Variants in GMDS observed in about 807,000 individuals in gnomAD.
The protein encoded by GMDS is GDP-mannose 4,6 dehydratase.
In GMDS, 20 loss-of-function variants were observed where a neutral mutation model predicts 49.9. That is an observed-to-expected ratio of 0.40 (90% CI 0.28 to 0.58). The LOEUF is 0.58. Among genes scored for constraint, GMDS ranks in the 20% least tolerant of loss-of-function variants. GMDS has a pLI of 0.42. For synonymous variants in GMDS, 177 were observed against 178.6 expected (o/e 0.99, Z 0.07); for missense variants, 362 against 481.4 (o/e 0.75, Z 2.32).
chr6:1,710,107 C>T (rs537035855), intron 9 of GMDS, among the ~76,000 whole-genome samples: 16 of 152,312 alleles, frequency 1.1e-4, no homozygotes, highest in South Asian at 6.2e-4. Context: ...AGTCAGAGCC[C>T]GTGCTACAGC....
chr6:1,881,755 G>A (rs1204037963), intron 7 of GMDS, among the ~76,000 whole-genome samples: 3 of 152,072 alleles, frequency 2.0e-5, no homozygotes, highest in Non-Finnish European at 4.4e-5. Context: ...AACAAGATTC[G>A]GATTACTCAA....
chr6:2,006,643 T>A (rs898723211), intron 4 of GMDS, among the ~76,000 whole-genome samples: 18 of 152,218 alleles, frequency 1.2e-4, no homozygotes, highest in African/African-American at 4.3e-4. Flanking sequence ...CTATATTAGC[T>A]GAAAACACAC....
At chr6:1,890,252 T>A (rs1342238486) in intron 7 of GMDS, among the ~76,000 whole-genome samples, 1 of 152,192 alleles carries the variant, frequency 6.6e-6, no homozygotes, top group East Asian at 1.9e-4. Flanking sequence ...CTGTCTTTTT[T>A]ATCACAGCCA....
intron 7 of GMDS, among the ~76,000 whole-genome samples, chr6:1,859,382 T>C (rs745905383): frequency 2.6e-5 from 4 of 152,146 alleles, no homozygotes; most frequent in Non-Finnish European, 4.4e-5. Flanking sequence ...CAAATGGAGC[T>C]AGGCTGTAGT....
At chr6:1,887,459 CA>C (rs35125106) in intron 7 of GMDS, among the ~76,000 whole-genome samples, 14,257 of 152,108 alleles carry the variant, frequency 0.094, 815 homozygotes, top group African/African-American at 0.15. Context: ...CGGCTACCTC[CA>C]AAACAGGAAG....
chr6:2,228,291 T>C (rs758184240), intron 1 of GMDS, among the ~76,000 whole-genome samples: 1 of 152,352 alleles, frequency 6.6e-6, no homozygotes, highest in Non-Finnish European at 1.5e-5. Flanking sequence ...ACCACCCTTC[T>C]GTGCTTCTCA....
rs542255523 is a variant in GMDS, at chr6:2,020,325, T to A, written c.346-59359A>T. Among the ~76,000 whole-genome samples, 371 of 151,644 alleles carry A rather than the reference T, an allele frequency of 2.4e-3. 2 individuals carry two copies. Among genetic ancestry groups the A allele is most frequent in the Non-Finnish European group, 4.3e-3 (291 of 67,832 alleles). The stretch of plus-strand genomic sequence containing the variant: ...GCCTATATAAATAAATAAAATAAAT[T>A]AAATAAATTAAAAAATAAAAACAAT... On this transcript the variant is annotated intron_variant, in intron 4 of 10. Coordinates refer to ENST00000380815, the MANE Select transcript of GMDS (RefSeq NM_001500.4).
chr6:1,994,788 T>G (rs1766173994), intron 4 of GMDS, among the ~76,000 whole-genome samples: 2 of 152,006 alleles, frequency 1.3e-5, no homozygotes, highest in Non-Finnish European at 2.9e-5. Context: ...ATACATGGCC[T>G]GCAAAGACAC....
chr6:2,044,314 T>C (rs771038101), intron 4 of GMDS, among the ~76,000 whole-genome samples: 1 of 152,168 alleles, frequency 6.6e-6, no homozygotes, highest in Non-Finnish European at 1.5e-5. Context: ...TCAACCTAAA[T>C]GTCCATCAAT....
intron 7 of GMDS, among the ~76,000 whole-genome samples, chr6:1,841,899 C>T (rs540382379): frequency 1.3e-5 from 2 of 152,218 alleles, no homozygotes; most frequent in Non-Finnish European, 2.9e-5. Flanking sequence ...GCCTATTTCC[C>T]TAAATGCCAC....
chr6:2,207,553 T>C (rs901913623), intron 1 of GMDS, among the ~76,000 whole-genome samples: 4 of 152,014 alleles, frequency 2.6e-5, no homozygotes, highest in African/African-American at 9.7e-5. Flanking sequence ...CATTAGAGTT[T>C]AGAATTGTAA....
intron 6 of GMDS, among the ~76,000 whole-genome samples, chr6:1,933,317 T>C (rs570659472): frequency 6.6e-6 from 1 of 152,388 alleles, no homozygotes; most frequent in South Asian, 2.1e-4. Flanking sequence ...CCTTTGCCTT[T>C]TGTGAATAAT....
At chr6:2,190,643 C>A (rs1295204623) in intron 1 of GMDS, among the ~76,000 whole-genome samples, 8 of 152,198 alleles carry the variant, frequency 5.3e-5, no homozygotes, top group Admixed American at 5.2e-4. Context: ...CCTGACACAG[C>A]ACATGTTTTT....
chr6:1,637,166 G>A (rs1019107799), intron 9 of GMDS, among the ~76,000 whole-genome samples: 2 of 152,226 alleles, frequency 1.3e-5, no homozygotes, highest in African/African-American at 4.8e-5. Context: ...AGTCAAGCCA[G>A]GTGTCTGGGG....
chr6:1,954,387 A>T (rs1561919851), intron 6 of GMDS, among the ~76,000 whole-genome samples: 1 of 152,236 alleles, frequency 6.6e-6, no homozygotes, highest in Non-Finnish European at 1.5e-5. Flanking sequence ...CATTTCTTAC[A>T]ATAAGACAAC....
intron 7 of GMDS, among the ~76,000 whole-genome samples, chr6:1,896,700 T>A (rs986037728): frequency 6.6e-6 from 1 of 151,982 alleles, no homozygotes; most frequent in Non-Finnish European, 1.5e-5. Flanking sequence ...CGTGAAGAAA[T>A]CTGAACAAAG....
chr6:1,955,695 C>T (rs1228023890), intron 6 of GMDS, among the ~76,000 whole-genome samples: 1 of 151,128 alleles, frequency 6.6e-6, no homozygotes, highest in African/African-American at 2.4e-5. Flanking sequence ...ATTCTTACAT[C>T]TCTAGATGTA....
At chr6:2,060,160 T>A (rs1335536719) in intron 4 of GMDS, among the ~76,000 whole-genome samples, 1 of 152,178 alleles carries the variant, frequency 6.6e-6, no homozygotes, top group African/African-American at 2.4e-5. Context: ...AAAAACTGAC[T>A]GGGATCACTT....
At chr6:2,177,839 T>C (rs899897804) in intron 1 of GMDS, among the ~76,000 whole-genome samples, 2 of 152,158 alleles carry the variant, frequency 1.3e-5, no homozygotes, top group African/African-American at 4.8e-5. Context: ...CATACTTGAA[T>C]ATTCACCGCA....
Sources: allele counts gnomAD v4.1 joint callset (sites outside exome capture counted in the v4.1 genomes callset), GRCh38; gene constraint gnomAD v4.1.1; transcripts MANE v1.5; gene names NCBI Gene and HGNC (gene_info 2026-07-23, HGNC 2026-07-21).